The following NOS1 variants were observed in gnomAD, a reference collection of about 807,000 sequenced individuals.
NOS1 encodes the protein NOS type I.
In NOS1, 51 loss-of-function variants were observed where a neutral mutation model predicts 164.5. The observed-to-expected ratio is 0.31, with a 90% CI of 0.25 to 0.39. The LOEUF is 0.39. Among genes scored for constraint, NOS1 ranks in the 10% least tolerant of loss-of-function variants. NOS1 has a pLI of 1.00. For missense variants in NOS1, 1,362 were observed against 1,885.6 expected, an observed-to-expected ratio of 0.72 and a Z score of 5.14; for synonymous variants, 719 against 745.8, an observed-to-expected ratio of 0.96 and a Z score of 0.59.
intron 1 of NOS1, among the ~76,000 whole-genome samples, chr12:117,345,059 T>G (rs1876287270): frequency 1.4e-5 from 2 of 144,110 alleles, no homozygotes; most frequent in Admixed American, 7.2e-5. Flanking sequence ...TTTGGCAGTG[T>G]CTCACTCTGT....
chr12:117,279,727 AG>A (rs1873478222), intron 8 of NOS1, among the ~76,000 whole-genome samples: 1 of 152,266 alleles, frequency 6.6e-6, no homozygotes, highest in Non-Finnish European at 1.5e-5. Context: ...GGACAAGGTC[AG>A]CCAAGTACAC....
intron 15 of NOS1, among the ~76,000 whole-genome samples, 158 bp downstream of exon 15, chr12:117,258,868 C>T (rs1035482172): frequency 4.6e-5 from 7 of 152,192 alleles, no homozygotes; most frequent in African/African-American, 9.7e-5. Context: ...TGGAATTGTC[C>T]AACCTTTGTA....
chr12:117,322,109 C>T (rs931715354), intron 2 of NOS1, among the ~76,000 whole-genome samples: 1 of 133,992 alleles, frequency 7.5e-6, no homozygotes, highest in Admixed American at 7.4e-5. Flanking sequence ...TCCCTCTCTC[C>T]TCCCTTCCCC....
At chr12:117,227,859 T>C (rs1031623846) in intron 22 of NOS1, among the ~76,000 whole-genome samples, 1 of 152,030 alleles carries the variant, frequency 6.6e-6, no homozygotes, top group Non-Finnish European at 1.5e-5. Context: ...AGACCCTGTC[T>C]CTACAAAAAA....
chr12:117,243,171 G>T lies in NOS1; in HGVS notation c.2962+126C>A. Reference sequence around the variant, plus strand: ...GGAGAGCAGCAAAGTATTCATTTTGGTAGGACTGCACTAAAGGGAGATCAA... The same window carrying T: ...GGAGAGCAGCAAAGTATTCATTTTGTTAGGACTGCACTAAAGGGAGATCAA... On this transcript the variant is annotated intron_variant, in intron 19 of 28. Coordinates refer to ENST00000317775, the MANE Select transcript of NOS1 (RefSeq NM_000620.5). The surrounding 1 kb of genome is among the most constrained non-coding windows in gnomAD (Gnocchi z 4.3). 1 of 1,125,506 alleles carries T rather than the reference G, an allele frequency of 8.9e-7. No homozygotes were observed. Among genetic ancestry groups the T allele is most frequent in the South Asian group, 1.6e-5 (1 of 64,146 alleles). The allele number at this position is 1,125,506 out of a possible 1,614,324, so 69.7% of individuals were successfully genotyped here. A position where few individuals can be genotyped will look rare whatever the true frequency, so the allele number is the denominator to read the frequency against.
chr12:117,230,880 T>C (rs115817063), intron 22 of NOS1, among the ~76,000 whole-genome samples: 2,364 of 152,252 alleles, frequency 0.016, 56 homozygotes, highest in African/African-American at 0.054. Context: ...TTTTGCACGT[T>C]CTCATTCATT....
rs370872273 is a variant in NOS1, at chr12:117,280,741, T to C, written c.1508A>G (p.Asn503Ser). 24 of 1,613,922 alleles carry C rather than the reference T, an allele frequency of 1.5e-5. No individual in the cohort carries two copies. In the African/African-American group the frequency reaches 3.2e-4, roughly 22 times the overall value. ...PDGSTLGDPANVQFTEICIQQ... is the reference protein window; with the variant it reads ...PDGSTLGDPASVQFTEICIQQ... ...CGCTCGCACCTCTGTGAACTGCACA[T>C]TGGCTGGGTCCCCCAGGGTGGAGCC... Residue 503 changes from asparagine to serine, a missense_variant, in exon 8 of 29, where the codon AAT becomes AGT. Around this residue, in one of 4 missense-constraint regions of NOS1, gnomAD observed 134 missense variants for 267.3 expected, o/e 0.50. Coordinates refer to ENST00000317775, the MANE Select transcript of NOS1 (RefSeq NM_000620.5).
Position 117,225,151 on chromosome 12 carries a change from A to AG in NOS1, c.3705-15dup, listed in dbSNP as rs774088653. ...AAGCTGGGTGCTCTGGGCAAGGAAG[A>AG]GGGGGTCAGAAGTCTTGCAGAGCTC... On this transcript the variant is annotated splice_polypyrimidine_tract_variant and intron_variant, in intron 24 of 28. Coordinates refer to ENST00000317775, the MANE Select transcript of NOS1 (RefSeq NM_000620.5). 1.7e-5 allele frequency: 28 copies of AG among 1,605,460 alleles called. No homozygotes were observed. The African/African-American group carries it at 3.5e-4, about 20-fold the overall frequency.
chr12:117,219,735 C>T (rs1956671025), intron 27 of NOS1, among the ~76,000 whole-genome samples: 1 of 152,162 alleles, frequency 6.6e-6, no homozygotes, highest in Non-Finnish European at 1.5e-5. Flanking sequence ...TGTGCAGTGC[C>T]CAACCTGCAC....
intron 4 of NOS1, among the ~76,000 whole-genome samples, chr12:117,288,832 G>T (rs1163605615): frequency 6.6e-6 from 1 of 152,132 alleles, no homozygotes; most frequent in African/African-American, 2.4e-5. Context: ...AAGCTAGCTT[G>T]CTGGAAGAGG....
chr12:117,223,022 C>G (rs2271985), intron 25 of NOS1, among the ~76,000 whole-genome samples, 159 bp from the exon 26 acceptor site: 32,802 of 152,136 alleles, frequency 0.22, 3,733 homozygotes, highest in Middle Eastern at 0.35. Context: ...CACACATGTA[C>G]ACAGGTGCTC....
intron 10 of NOS1, among the ~76,000 whole-genome samples, chr12:117,271,194 C>T (rs1300386254): frequency 2.0e-5 from 3 of 152,182 alleles, no homozygotes; most frequent in African/African-American, 7.2e-5. Context: ...GGGATCCAGG[C>T]ATCACGAAGC....
At chr12:117,329,426 T>A (rs1235973617) in intron 2 of NOS1, among the ~76,000 whole-genome samples, 1 of 152,102 alleles carries the variant, frequency 6.6e-6, no homozygotes, top group African/African-American at 2.4e-5. Flanking sequence ...AATCTTGGCC[T>A]GGATTTTTTG....
intron 1 of NOS1, among the ~76,000 whole-genome samples, chr12:117,332,448 C>T (rs1215091972): frequency 1.3e-5 from 2 of 152,042 alleles, no homozygotes; most frequent in East Asian, 1.9e-4. Flanking sequence ...TATTATAGTA[C>T]AGGTATGGTG....
chr12:117,337,760 G>A (rs774616469), intron 1 of NOS1, among the ~76,000 whole-genome samples: 4 of 152,034 alleles, frequency 2.6e-5, no homozygotes, highest in Admixed American at 6.6e-5. Context: ...TGTCCCCTGG[G>A]CTAATAGTCC....
chr12:117,219,467 C>T (rs1956665554), intron 27 of NOS1, among the ~76,000 whole-genome samples: 1 of 151,928 alleles, frequency 6.6e-6, no homozygotes, highest in Admixed American at 6.6e-5. Flanking sequence ...CCACCATAGC[C>T]AGCTAATTTT....
At chr12:117,289,917 T>C (rs1384064159) in intron 4 of NOS1, among the ~76,000 whole-genome samples, 1 of 152,202 alleles carries the variant, frequency 6.6e-6, no homozygotes, top group Non-Finnish European at 1.5e-5. Flanking sequence ...TTGTATGAGT[T>C]TGAAGTTTGG....
In NOS1 at chr12:117,216,289, T is replaced by A. The variant is rs566551737; in HGVS notation, c.4290-965A>T. Among the ~76,000 whole-genome samples, 1,175 of 151,414 alleles carry A rather than the reference T, an allele frequency of 7.8e-3. 10 individuals are homozygous for A. Among genetic ancestry groups the A allele is most frequent in the Non-Finnish European group, 0.01 (702 of 67,808 alleles). ...GCTCCACCTCCCAGGTTCATGCCATTCTCCTGCCTCAGGCTCCCGAGTAGC... is the reference window on the plus strand; with the variant it reads ...GCTCCACCTCCCAGGTTCATGCCATACTCCTGCCTCAGGCTCCCGAGTAGC... On this transcript the variant is annotated intron_variant, in intron 28 of 28. Transcript: ENST00000317775.
chr12:117,255,952 G>A (rs1462259059), intron 16 of NOS1: 4 of 1,492,538 alleles, frequency 2.7e-6, no homozygotes, highest in East Asian at 2.7e-5. Context: ...TGGCTGTCAC[G>A]GGCTGCAGCC....
Sources: gnomAD v4.1 joint callset for allele counts (sites outside exome capture counted in the v4.1 genomes callset) on GRCh38, gnomAD v4.1.1 for gene constraint, gnomAD v4.1.1 regional missense constraint, Gnocchi (gnomAD v3.1) non-coding constraint, MANE v1.5 for transcripts, NCBI Gene and HGNC (gene_info 2026-07-23, HGNC 2026-07-21) for gene names.